Variants in SLIT3 observed in about 807,000 individuals in gnomAD.
SLIT3 encodes the protein slit homolog 3 protein.
Under a neutral mutation model 184.0 loss-of-function variants are expected in SLIT3, and 68 were observed. The observed-to-expected ratio is 0.37, with a 90% CI of 0.30 to 0.45. The LOEUF (loss-of-function observed/expected upper bound fraction) is 0.45. Among genes scored for constraint, SLIT3 ranks in the 20% least tolerant of loss-of-function variants. The pLI is 1.00. For synonymous variants in SLIT3, 831 were observed against 828.6 expected (o/e 1.00, Z -0.05); for missense variants, 1,707 against 2,026.0 (o/e 0.84, Z 3.02).
chr5:169,003,379 C>T (rs1261965758), intron 4 of SLIT3, among the ~76,000 whole-genome samples: 1 of 152,182 alleles, frequency 6.6e-6, no homozygotes, highest in African/African-American at 2.4e-5. Context: ...GCAGTACCCT[C>T]TGTGGGAGTC....
intron 16 of SLIT3, among the ~76,000 whole-genome samples, chr5:168,755,390 T>TTTCTTTCC (rs1754864105): frequency 3.0e-4 from 1 of 3,378 alleles, no homozygotes; most frequent in African/African-American, 3.4e-3. Flanking sequence ...AGTGCCGCCA[T>TTTCTTTCC]TTCTTTCTTT....
rs562433524 is a variant in SLIT3 at position 168,668,432 on chromosome 5, C to G, written c.4336+1351G>C. Among the ~76,000 whole-genome samples the G allele has an allele frequency of 2.6e-5, 4 of 152,280 alleles. No individual in the cohort carries two copies. The South Asian group carries it at 8.3e-4, about 32-fold the overall frequency. On this transcript the variant is annotated intron_variant, in intron 35 of 35. Transcript: ENST00000519560. ...GGTTTCATTAGTTTTGAAGGCATGGCATCTCAAGGGCCAACAGCTGGAAAA... is the reference window on the plus strand; with the variant it reads ...GGTTTCATTAGTTTTGAAGGCATGGGATCTCAAGGGCCAACAGCTGGAAAA...
intron 3 of SLIT3, among the ~76,000 whole-genome samples, chr5:169,195,601 G>A (rs1460107813): frequency 5.3e-5 from 8 of 152,116 alleles, no homozygotes; most frequent in South Asian, 4.1e-4. Flanking sequence ...ATCTCGGCTC[G>A]CTGCAACCTC....
chr5:168,908,383 G>A lies in SLIT3; in HGVS notation c.414-25047C>T, dbSNP rs146823889. Among the ~76,000 whole-genome samples the A allele has an allele frequency of 1.1e-4, 17 of 152,174 alleles. No homozygotes were observed. The East Asian group carries it at 2.5e-3, about 23-fold the overall frequency. On this transcript the variant is annotated intron_variant, in intron 4 of 35. Coordinates refer to ENST00000519560, the MANE Select transcript of SLIT3 (RefSeq NM_003062.4). The stretch of plus-strand genomic sequence containing the variant: ...CCATGCAGTCCACGGTTTGGTCTGC[G>A]GAAGAGTGAGGGCAGGTTTCCAGCA...
At chr5:169,095,494 G>A (rs1029601353) in intron 4 of SLIT3, among the ~76,000 whole-genome samples, 7 of 152,186 alleles carry the variant, frequency 4.6e-5, no homozygotes, top group Admixed American at 2.6e-4. Context: ...TGAGGGTATT[G>A]AGAAGAGTAA....
At chr5:169,110,884 C>T (rs75514568) in intron 4 of SLIT3, among the ~76,000 whole-genome samples, 2 of 152,150 alleles carry the variant, frequency 1.3e-5, no homozygotes, top group Non-Finnish European at 2.9e-5. Flanking sequence ...GTGTCACCCT[C>T]TTAATGGAAA....
intron 20 of SLIT3, among the ~76,000 whole-genome samples, chr5:168,729,896 G>C (rs905386701): frequency 6.6e-6 from 1 of 151,942 alleles, no homozygotes; most frequent in African/African-American, 2.4e-5. Flanking sequence ...AATATAAATG[G>C]ATTAAATGCT....
chr5:168,666,786 G>GAAGAC, intron 35 of SLIT3, 97 bp from the exon 36 acceptor site: 1 of 1,571,654 alleles, frequency 6.4e-7, no homozygotes, highest in South Asian at 1.1e-5. Flanking sequence ...CTTGTGCTCT[G>GAAGAC]AAGACTGTAA....
chr5:169,097,244 C>T (rs893069586), intron 4 of SLIT3, among the ~76,000 whole-genome samples: 2 of 152,204 alleles, frequency 1.3e-5, no homozygotes, highest in African/African-American at 4.8e-5. Flanking sequence ...CTTAAAACTC[C>T]TCTCTCTGCC....
At chr5:169,090,482 G>T (rs1481443352) in intron 4 of SLIT3, among the ~76,000 whole-genome samples, 1 of 152,176 alleles carries the variant, frequency 6.6e-6, no homozygotes, top group Admixed American at 6.5e-5. Flanking sequence ...ACAGGGCCAG[G>T]ATCGGCAGGC....
intron 4 of SLIT3, among the ~76,000 whole-genome samples, chr5:169,058,965 T>C (rs10516057): frequency 0.14 from 21,419 of 152,110 alleles, 1,689 homozygotes; most frequent in East Asian, 0.26. Context: ...AAACCAAACA[T>C]AGTAAGGACG....
intron 5 of SLIT3, among the ~76,000 whole-genome samples, chr5:168,874,930 C>G (rs986522738): frequency 6.6e-6 from 1 of 152,130 alleles, no homozygotes; most frequent in Admixed American, 6.6e-5. Flanking sequence ...CCCCTGTAGA[C>G]AAAAATTCAC....
At chr5:168,846,260 G>A (rs753255122) in intron 5 of SLIT3, among the ~76,000 whole-genome samples, 17 of 152,056 alleles carry the variant, frequency 1.1e-4, no homozygotes, top group African/African-American at 1.9e-4. Context: ...CAGGCATCTC[G>A]AGAAGCAGAA....
intron 1 of SLIT3, among the ~76,000 whole-genome samples, chr5:169,289,487 T>TAG (rs1193201446): frequency 6.6e-6 from 1 of 152,250 alleles, no homozygotes; most frequent in African/African-American, 2.4e-5. Context: ...TCATCATTTA[T>TAG]AGAGTCCAGC....
In SLIT3 at chr5:168,773,620, G is replaced by T. The variant is rs114982832; in HGVS notation, c.1295+615C>A. ...ATTGCAGACCTGGGCATGGGGCTGAGGTCTATGCCTGAGACTGGAGCCATC... is the reference window on the plus strand; with the variant it reads ...ATTGCAGACCTGGGCATGGGGCTGATGTCTATGCCTGAGACTGGAGCCATC... On this transcript the variant is annotated intron_variant, in intron 13 of 35. Transcript: ENST00000519560. Among the ~76,000 whole-genome samples the T allele has an allele frequency of 8.1e-3, 1,238 of 152,260 alleles. 19 individuals are homozygous for T. The highest frequency in any genetic ancestry group is 0.028 in the African/African-American group (1,176 of 41,548).
chr5:169,271,820 C>A (rs778153106), intron 1 of SLIT3, among the ~76,000 whole-genome samples: 1 of 152,190 alleles, frequency 6.6e-6, no homozygotes, highest in Non-Finnish European at 1.5e-5. Context: ...CAGATACAGG[C>A]CTCTTTATCT....
At chr5:168,889,455 C>T (rs116191490) in intron 4 of SLIT3, among the ~76,000 whole-genome samples, 1,708 of 152,278 alleles carry the variant, frequency 0.011, 24 homozygotes, top group African/African-American at 0.038. Context: ...GACAAAAAAA[C>T]GCCAATTATT....
At chr5:168,688,417 C>T (rs906782475) in intron 29 of SLIT3, among the ~76,000 whole-genome samples, 16 of 152,310 alleles carry the variant, frequency 1.1e-4, no homozygotes, top group Admixed American at 3.3e-4. Flanking sequence ...GGTTCTCCCT[C>T]ATCCCTCTCC....
chr5:169,122,131 TAGGGCCTATGTTTAGG>T (rs547517055), intron 4 of SLIT3, among the ~76,000 whole-genome samples: 143 of 152,332 alleles, frequency 9.4e-4, no homozygotes, highest in African/African-American at 3.2e-3. Context: ...TCCATTTCAC[TAGGGCCTATGTTTAGG>T]TGTCTCCAGA....
Sources: allele counts gnomAD v4.1 joint callset (sites outside exome capture counted in the v4.1 genomes callset), GRCh38; gene constraint gnomAD v4.1.1; transcripts MANE v1.5; gene names NCBI Gene and HGNC (gene_info 2026-07-23, HGNC 2026-07-21).